Variants in PRKN observed in about 807,000 individuals in gnomAD.
The protein encoded by PRKN is E3 ubiquitin-protein ligase parkin.
In PRKN, 56 loss-of-function variants were observed where a neutral mutation model predicts 59.5. That is an observed-to-expected ratio of 0.94 (90% CI 0.76 to 1.18). The LOEUF is 1.18. Among genes scored for constraint, PRKN ranks in the 50% most tolerant of loss-of-function variants. The probability of loss-of-function intolerance (pLI) is 0.00; values close to 1 mark genes in which losing one functional copy is unlikely to be tolerated. For synonymous variants in PRKN, 250 were observed against 222.1 expected, an observed-to-expected ratio of 1.13 and a Z score of -1.12; for missense variants, 657 against 596.4, an observed-to-expected ratio of 1.10 and a Z score of -1.06.
chr6:162,597,499 TCTG>T (rs2128215781), intron 1 of PRKN, among the ~76,000 whole-genome samples: 1 of 152,374 alleles, frequency 6.6e-6, no homozygotes, highest in African/African-American at 2.4e-5. Context: ...CAGATTTGAC[TCTG>T]CTGTGATTAT....
chr6:162,116,936 T>C (rs1780700379), intron 4 of PRKN, among the ~76,000 whole-genome samples: 1 of 152,206 alleles, frequency 6.6e-6, no homozygotes, highest in Admixed American at 6.5e-5. Flanking sequence ...GCAGAGGGAC[T>C]GAAGGATTTT....
At chr6:161,490,411 G>T (rs1777511409) in intron 9 of PRKN, among the ~76,000 whole-genome samples, 1 of 127,624 alleles carries the variant, frequency 7.8e-6, no homozygotes, top group Non-Finnish European at 1.6e-5. Flanking sequence ...TTGAGACAGA[G>T]TCTCACTCTG....
intron 1 of PRKN, among the ~76,000 whole-genome samples, chr6:162,620,983 T>C (rs1027219881): frequency 3.9e-5 from 6 of 152,262 alleles, no homozygotes; most frequent in Non-Finnish European, 7.3e-5. Context: ...GATCCAGTGT[T>C]GTTGATGGAA....
rs548193887 is a variant in PRKN, at chr6:161,709,347, A to G, written c.871+76425T>C. On this transcript the variant is annotated intron_variant, in intron 7 of 11. Coordinates refer to ENST00000366898, the MANE Select transcript of PRKN (RefSeq NM_004562.3). ...TTAGATGGCATATATTTTTATTTCT[A>G]CTCTAACATGAATTTATCAGACTCA... Among the ~76,000 whole-genome samples, 106 of 152,292 alleles carry G rather than the reference A, an allele frequency of 7.0e-4. 1 individual carries two copies. Among genetic ancestry groups the G allele is most frequent in the African/African-American group, 2.5e-3 (105 of 41,578 alleles).
intron 2 of PRKN, among the ~76,000 whole-genome samples, chr6:162,439,857 A>G (rs1440343487): frequency 2.0e-5 from 3 of 152,184 alleles, no homozygotes; most frequent in African/African-American, 7.2e-5. Context: ...AAAAATATGT[A>G]TTAATCAACT....
At chr6:162,253,501 T>TA (rs1425897062) in intron 3 of PRKN, among the ~76,000 whole-genome samples, 2 of 152,186 alleles carry the variant, frequency 1.3e-5, no homozygotes, top group Non-Finnish European at 2.9e-5. Context: ...CCAAAATAAA[T>TA]AACTGTTACA....
intron 1 of PRKN, among the ~76,000 whole-genome samples, chr6:162,633,818 T>C (rs1180469262): frequency 1.3e-5 from 2 of 152,128 alleles, no homozygotes; most frequent in Non-Finnish European, 2.9e-5. Context: ...CGTGTGTAGC[T>C]AGATGAGCTA....
intron 1 of PRKN, among the ~76,000 whole-genome samples, chr6:162,634,131 C>T (rs1239193245): frequency 1.3e-5 from 2 of 152,234 alleles, no homozygotes; most frequent in African/African-American, 4.8e-5. Context: ...GTGCATTCAC[C>T]TCTCCATACC....
chr6:162,511,135 G>A (rs1319730210), intron 1 of PRKN, among the ~76,000 whole-genome samples: 6 of 151,790 alleles, frequency 4.0e-5, no homozygotes, highest in African/African-American at 1.5e-4. Flanking sequence ...AAATAACCCA[G>A]TAATTTTACA....
intron 4 of PRKN, among the ~76,000 whole-genome samples, chr6:162,097,125 C>A (rs774896770): frequency 6.6e-6 from 1 of 152,118 alleles, no homozygotes; most frequent in Non-Finnish European, 1.5e-5. Flanking sequence ...ATCTGCCCGC[C>A]TTGGCCTCCC....
At chr6:161,370,609 A>AAAAAAAAAAAAAAAAAC (rs1785406056) in intron 10 of PRKN, among the ~76,000 whole-genome samples, 1 of 150,906 alleles carries the variant, frequency 6.6e-6, no homozygotes, top group Non-Finnish European at 1.5e-5. Flanking sequence ...AAAAAAAAAA[A>AAAAAAAAAAAAAAAAAC]AAGCCGAATT....
At chr6:162,718,483 A>G (rs2128240028) in intron 1 of PRKN, among the ~76,000 whole-genome samples, 1 of 152,080 alleles carries the variant, frequency 6.6e-6, no homozygotes, top group East Asian at 1.9e-4. Context: ...AGGCCGAGAC[A>G]GGTGGATCAC....
Position 161,776,627 on chromosome 6 carries a change from A to G in PRKN, c.871+9145T>C, listed in dbSNP as rs577682236. On this transcript the variant is annotated intron_variant, in intron 7 of 11. Coordinates refer to ENST00000366898, the MANE Select transcript of PRKN (RefSeq NM_004562.3). ...GGAACTTTAACAAACCATGATGCCT[A>G]ACCTAAAAGGTTACCATTTAATTGG... 9.8e-4 allele frequency among the ~76,000 whole-genome samples: 150 copies of G among 152,318 alleles called. No individual in the cohort carries two copies. In the Middle Eastern group the frequency reaches 0.01, roughly 10 times the overall value.
chr6:161,700,982 T>C (rs1327707136), intron 7 of PRKN, among the ~76,000 whole-genome samples: 2 of 152,348 alleles, frequency 1.3e-5, no homozygotes, highest in South Asian at 2.1e-4. Flanking sequence ...TGTATAGATA[T>C]AGCATATCTA....
chr6:161,527,075 G>C lies in PRKN; in HGVS notation c.1083+21779C>G, dbSNP rs923280325. ...GAAGAATCTGTGATCACCTGTGACA[G>C]AGTCTGTCTGGGTAAGGTATCACCT... On this transcript the variant is annotated intron_variant, in intron 9 of 11. Transcript: ENST00000366898. The surrounding 1 kb of genome is among the most constrained non-coding windows in gnomAD (Gnocchi z 4.6). Among the ~76,000 whole-genome samples, 7 of 152,218 alleles carry C rather than the reference G, an allele frequency of 4.6e-5. No individual in the cohort carries two copies. The highest frequency in any genetic ancestry group is 1.0e-4 in the Non-Finnish European group (7 of 68,038).
intron 6 of PRKN, among the ~76,000 whole-genome samples, chr6:161,866,443 C>CGG (rs1794114143): frequency 6.6e-6 from 1 of 151,938 alleles, no homozygotes; most frequent in Non-Finnish European, 1.5e-5. Flanking sequence ...GGCGTGGTGG[C>CGG]GCATGCCTGT....
intron 1 of PRKN, among the ~76,000 whole-genome samples, chr6:162,475,862 C>T (rs1791985976): frequency 1.3e-5 from 2 of 152,184 alleles, no homozygotes; most frequent in South Asian, 4.1e-4. Context: ...AGTGATTCTC[C>T]TGCCTCAGCC....
intron 6 of PRKN, among the ~76,000 whole-genome samples, chr6:161,857,814 C>T (rs1158806043): frequency 1.3e-5 from 2 of 152,124 alleles, no homozygotes; most frequent in Admixed American, 6.6e-5. Context: ...CCAGTGAGCT[C>T]GAGTTTACTG....
intron 2 of PRKN, among the ~76,000 whole-genome samples, chr6:162,293,925 G>T (rs777849127): frequency 6.6e-6 from 1 of 152,086 alleles, no homozygotes; most frequent in Admixed American, 6.6e-5. Flanking sequence ...TGATCCGTCC[G>T]CCTCGGCCTC....
Sources: allele counts gnomAD v4.1 joint callset (sites outside exome capture counted in the v4.1 genomes callset), GRCh38; gene constraint gnomAD v4.1.1; non-coding constraint Gnocchi (gnomAD v3.1); transcripts MANE v1.5; gene names NCBI Gene and HGNC (gene_info 2026-07-23, HGNC 2026-07-21).